The following GRM5 variants were observed in gnomAD, a reference collection of about 807,000 sequenced individuals.
GRM5 encodes glutamate metabotropic receptor 5.
GRM5 carries 19 observed loss-of-function variants against 83.1 expected under a neutral mutation model. That is an observed-to-expected ratio of 0.23 (90% CI 0.16 to 0.34). The LOEUF (loss-of-function observed/expected upper bound fraction) is 0.34, where lower values mean the gene tolerates loss of function less well. GRM5 is among the 10% of genes least tolerant of loss of function. The pLI is 1.00. For missense variants in GRM5, 1,160 were observed against 1,588.3 expected, an observed-to-expected ratio of 0.73 and a Z score of 4.58; for synonymous variants, 675 against 633.6, an observed-to-expected ratio of 1.07 and a Z score of -0.98.
At chr11:88,649,194 TATA>T (rs200709555) in intron 4 of GRM5, among the ~76,000 whole-genome samples, 3,006 of 139,760 alleles carry the variant, frequency 0.022, 102 homozygotes, top group African/African-American at 0.074. Flanking sequence ...ATATGTTATA[TATA>T]ATATCTATAC....
At chr11:88,688,756 T>A (rs1338168773) in intron 3 of GRM5, among the ~76,000 whole-genome samples, 1 of 152,026 alleles carries the variant, frequency 6.6e-6, no homozygotes, top group East Asian at 1.9e-4. Context: ...AAAATTATAT[T>A]AATTATATAT....
At chr11:89,045,125 C>T (rs1281490313) in intron 2 of GRM5, among the ~76,000 whole-genome samples, 5 of 152,132 alleles carry the variant, frequency 3.3e-5, no homozygotes, top group Non-Finnish European at 7.4e-5. Context: ...TGTCCAATTC[C>T]AAGGTTTGTT....
chr11:88,715,883 G>GAATT (rs1941389425), intron 3 of GRM5, among the ~76,000 whole-genome samples: 1 of 151,876 alleles, frequency 6.6e-6, no homozygotes, highest in Non-Finnish European at 1.5e-5. Flanking sequence ...TGAAAGAACC[G>GAATT]AATTAGACTA....
intron 9 of GRM5, among the ~76,000 whole-genome samples, chr11:88,515,618 A>C (rs1268127233): frequency 1.3e-5 from 2 of 152,214 alleles, no homozygotes; most frequent in East Asian, 1.9e-4. Flanking sequence ...TAAATTTAAA[A>C]AAATCTCACT....
chr11:88,563,083 CT>C (rs796104333), intron 8 of GRM5, among the ~76,000 whole-genome samples: 10 of 152,284 alleles, frequency 6.6e-5, no homozygotes, highest in African/African-American at 2.4e-4. Flanking sequence ...TGAAAACAGG[CT>C]TTCTGCTACT....
chr11:88,803,659 G>A (rs1033742963), intron 3 of GRM5, among the ~76,000 whole-genome samples: 5 of 152,138 alleles, frequency 3.3e-5, no homozygotes, highest in African/African-American at 1.2e-4. Flanking sequence ...CAAAAACAAT[G>A]GCAACAGAAG....
chr11:88,632,963 T>C (rs888102469), intron 4 of GRM5, among the ~76,000 whole-genome samples: 6 of 152,248 alleles, frequency 3.9e-5, no homozygotes, highest in Non-Finnish European at 1.5e-5. Flanking sequence ...CCTGTACTTA[T>C]CTGCAATCCT....
At chr11:88,606,031 A>G (rs1235808014) in intron 4 of GRM5, among the ~76,000 whole-genome samples, 1 of 152,206 alleles carries the variant, frequency 6.6e-6, no homozygotes, top group Non-Finnish European at 1.5e-5. Context: ...TCTGAAGCTG[A>G]GCATTAAGCT....
In GRM5 at chr11:88,567,219, C is replaced by T. The variant is rs1312373630; in HGVS notation, c.2464G>A (p.Val822Met). 8.1e-6 allele frequency: 13 copies of T among 1,614,012 alleles called. No individual in the cohort carries two copies. Among genetic ancestry groups the T allele is most frequent in the East Asian group, 2.2e-5 (1 of 44,878 alleles). The change falls in exon 8 of 10, where the codon GTG becomes ATG. Residue 822 changes from valine (V) to methionine (M), a missense_variant. Transcript: ENST00000305447. This position sits in a 1 kb window ranked among gnomAD's most constrained non-coding sequence, Gnocchi z 7.3. Reference protein sequence around the residue: ...VALGCMFVPKVYIILAKPERN... With the variant: ...VALGCMFVPKMYIILAKPERN... ...TCTGGTTTGGCCAGGATGATGTACACCTTCGGCACAAACATGCAGCCTAGG... is the reference window on the plus strand; with the variant it reads ...TCTGGTTTGGCCAGGATGATGTACATCTTCGGCACAAACATGCAGCCTAGG...
intron 2 of GRM5, among the ~76,000 whole-genome samples, chr11:88,980,947 GA>G (rs1175733163): frequency 1.3e-5 from 2 of 151,676 alleles, no homozygotes; most frequent in African/African-American, 4.8e-5. Flanking sequence ...CTGAGGTAAG[GA>G]TATATAGAAA....
intron 8 of GRM5, among the ~76,000 whole-genome samples, chr11:88,526,758 A>G (rs1224243946): frequency 3.3e-5 from 5 of 152,146 alleles, no homozygotes; most frequent in African/African-American, 4.8e-5. Context: ...TGTTTAAAGT[A>G]TCTAGTATTT....
At chr11:88,629,555 G>A (rs1430894416) in intron 4 of GRM5, among the ~76,000 whole-genome samples, 1 of 152,016 alleles carries the variant, frequency 6.6e-6, no homozygotes, top group African/African-American at 2.4e-5. Flanking sequence ...TCTTCATGAT[G>A]GACTCTTCTA....
At chr11:88,702,296 C>T (rs1281192788) in intron 3 of GRM5, among the ~76,000 whole-genome samples, 1 of 152,024 alleles carries the variant, frequency 6.6e-6, no homozygotes, top group African/African-American at 2.4e-5. Context: ...GAATAAATAC[C>T]TCAAACTGGG....
intron 3 of GRM5, among the ~76,000 whole-genome samples, chr11:88,672,068 T>C (rs1260898162): frequency 1.5e-4 from 23 of 152,096 alleles, no homozygotes. Flanking sequence ...ATTCATTTCA[T>C]TCTTAGGAGT....
At chr11:88,739,918 ACTC>A (rs1289892385) in intron 3 of GRM5, among the ~76,000 whole-genome samples, 2 of 152,032 alleles carry the variant, frequency 1.3e-5, no homozygotes, top group African/African-American at 4.8e-5. Flanking sequence ...GTTCCATATT[ACTC>A]CTGATTATAT....
intron 7 of GRM5, among the ~76,000 whole-genome samples, chr11:88,570,569 A>ATTTTTTTTT (rs1240457993): frequency 2.7e-5 from 2 of 73,874 alleles, no homozygotes; most frequent in African/African-American, 1.1e-4. Context: ...ATATATATAT[A>ATTTTTTTTT]TATTTTTTTT....
chr11:88,909,468 CTTTT>C (rs386374432), intron 2 of GRM5, among the ~76,000 whole-genome samples: 1 of 138,462 alleles, frequency 7.2e-6, no homozygotes, highest in African/African-American at 2.7e-5. Context: ...TTTTTGTCTA[CTTTT>C]TTTTTTTTCA....
At chr11:89,049,206 TGTATG>T (rs1941706687) in intron 1 of GRM5, among the ~76,000 whole-genome samples, 8 of 152,146 alleles carry the variant, frequency 5.3e-5, no homozygotes, top group Non-Finnish European at 1.0e-4. Context: ...GCTAAAAGGA[TGTATG>T]TTTGGAACTA....
At chr11:88,598,464 C>T (rs1937883553) in intron 5 of GRM5, among the ~76,000 whole-genome samples, 1 of 151,782 alleles carries the variant, frequency 6.6e-6, no homozygotes, top group Admixed American at 6.6e-5. Flanking sequence ...AGAATATTAC[C>T]TCATTCTTGT....
Sources: gnomAD v4.1 joint callset for allele counts (sites outside exome capture counted in the v4.1 genomes callset) on GRCh38, gnomAD v4.1.1 for gene constraint, Gnocchi (gnomAD v3.1) non-coding constraint, MANE v1.5 for transcripts, NCBI Gene and HGNC (gene_info 2026-07-23, HGNC 2026-07-21) for gene names.